Variants in ZNF320 observed in about 807,000 individuals in gnomAD.
ZNF320 encodes the protein zinc finger gene 320.
In ZNF320, 2 loss-of-function variants were observed where a neutral mutation model predicts 6.8. That is an observed-to-expected ratio of 0.29 (90% confidence interval 0.12 to 0.93). The LOEUF (loss-of-function observed/expected upper bound fraction) is 0.93. Among genes scored for constraint, ZNF320 ranks in the 40% least tolerant of loss-of-function variants. ZNF320 has a pLI of 0.55. For missense variants in ZNF320, 472 were observed against 611.0 expected, an observed-to-expected ratio of 0.77 and a Z score of 2.40; for synonymous variants, 208 against 203.2, an observed-to-expected ratio of 1.02 and a Z score of -0.20.
At chr19:52,864,045 G>A in exon 6 of ZNF320, 1 of 502,674 alleles carries the variant, frequency 2.0e-6, no homozygotes, top group Non-Finnish European at 3.9e-6. Flanking sequence ...ACAGACTCCA[G>A]GTTCCTGTAG....
At chr19:52,882,360 C>T (rs1185900019) in intron 5 of ZNF320, among the ~76,000 whole-genome samples, 1 of 151,930 alleles carries the variant, frequency 6.6e-6, no homozygotes, top group East Asian at 1.9e-4. Flanking sequence ...ATTTAGTATA[C>T]AGAAATAAAT....
exon 6 of ZNF320, chr19:52,862,532 T>C (rs538424187): frequency 4.5e-5 from 16 of 355,866 alleles, no homozygotes; most frequent in Middle Eastern, 4.0e-4. Flanking sequence ...GGTTCTCCAA[T>C]GATTTGCAAG....
At chr19:52,890,680 T>G (rs1412760277) in intron 3 of ZNF320, among the ~76,000 whole-genome samples, 4 of 152,030 alleles carry the variant, frequency 2.6e-5, no homozygotes, top group Admixed American at 2.0e-4. Flanking sequence ...GTGACTAGCC[T>G]AGGCAACATG....
Position 52,888,113 on chromosome 19 carries a change from G to T in ZNF320, c.142+14C>A. 6.3e-7 allele frequency: 1 copy of T among 1,595,630 alleles called. No individual in the cohort carries two copies. The highest frequency in any genetic ancestry group is 2.2e-5 in the East Asian group (1 of 44,800). Reference sequence around the variant, plus strand: ...AAGGGCACATCCCCACTTCTGGAGGGAAGTTATCCTCACCCAGGGAGACCA... The same window carrying T: ...AAGGGCACATCCCCACTTCTGGAGGTAAGTTATCCTCACCCAGGGAGACCA... On this transcript the variant is annotated intron_variant, in intron 5 of 5. Transcript: ENST00000682928.
At chr19:52,901,706 A>T (rs1477533372), upstream of ZNF320, among the ~76,000 whole-genome samples, 1 of 152,208 alleles carries the variant, frequency 6.6e-6, no homozygotes, top group Non-Finnish European at 1.5e-5. Context: ...TTTATTAGCT[A>T]ATGATGTCTT....
chr19:52,886,307 G>A (rs1333131926), intron 5 of ZNF320, among the ~76,000 whole-genome samples: 2 of 151,918 alleles, frequency 1.3e-5, no homozygotes, highest in Non-Finnish European at 2.9e-5. Flanking sequence ...GCTAATTTTT[G>A]TAAATTTAGT....
intron 5 of ZNF320, chr19:52,865,220 C>CCCCAGCTA (rs1434499971): frequency 6.3e-6 from 1 of 158,892 alleles, no homozygotes; most frequent in East Asian, 1.8e-4. Context: ...TACTGGGGAG[C>CCCCAGCTA]CTGAGGCAGA....
upstream of ZNF320, among the ~76,000 whole-genome samples, chr19:52,899,564 G>A (rs561914271): frequency 2.2e-3 from 335 of 152,236 alleles, 2 homozygotes; most frequent in African/African-American, 7.8e-3. Flanking sequence ...CCGGGTTCAC[G>A]CCATTCTCCT....
chr19:52,890,582 C>T (rs1470875179), intron 3 of ZNF320, among the ~76,000 whole-genome samples: 1 of 152,218 alleles, frequency 6.6e-6, no homozygotes, highest in African/African-American at 2.4e-5. Context: ...AACCAAACCC[C>T]ACACAGAGGC....
intron 5 of ZNF320, among the ~76,000 whole-genome samples, chr19:52,867,909 G>A (rs1030130467): frequency 6.6e-6 from 1 of 152,066 alleles, no homozygotes. Flanking sequence ...ACCGCACCCG[G>A]CCATTTTTTT....
At chr19:52,864,015 G>T in exon 6 of ZNF320, 1 of 484,622 alleles carries the variant, frequency 2.1e-6, no homozygotes. Flanking sequence ...TTCATGTCTG[G>T]AGGAACATTT....
chr19:52,873,362 G>C (rs1192317792), downstream of ZNF320, among the ~76,000 whole-genome samples: 1 of 152,214 alleles, frequency 6.6e-6, no homozygotes, highest in African/African-American at 2.4e-5. Context: ...CAAGAATGGA[G>C]AATGGCGATG....
intron 1 of ZNF320, chr19:52,894,152 G>A (rs1323362745): frequency 6.6e-6 from 1 of 152,182 alleles, no homozygotes; most frequent in East Asian, 1.9e-4. Context: ...CTGGGAGGCC[G>A]AGGTGGGTGG....
intron 2 of ZNF320, among the ~76,000 whole-genome samples, chr19:52,893,184 G>A (rs2064364654): frequency 6.6e-6 from 1 of 151,988 alleles, no homozygotes; most frequent in East Asian, 1.9e-4. Flanking sequence ...CATGTCAGAG[G>A]AGCCCATTTT....
At chr19:52,901,640 C>T (rs2147916887), upstream of ZNF320, among the ~76,000 whole-genome samples, 1 of 152,212 alleles carries the variant, frequency 6.6e-6, no homozygotes, top group African/African-American at 2.4e-5. Context: ...TTGCAAACTT[C>T]AATGGTTATG....
At chr19:52,899,494 G>A (rs977672183), upstream of ZNF320, among the ~76,000 whole-genome samples, 3 of 152,008 alleles carry the variant, frequency 2.0e-5, no homozygotes, top group South Asian at 2.1e-4. Flanking sequence ...ATGGAGTCTC[G>A]CTCTGTCACC....
chr19:52,891,499 A>G (rs773443883), intron 2 of ZNF320, among the ~76,000 whole-genome samples, 153 bp from the exon 3 acceptor site: 1 of 152,200 alleles, frequency 6.6e-6, no homozygotes, highest in Non-Finnish European at 1.5e-5. Flanking sequence ...AGGAGCAGAA[A>G]GGGAGATGGC....
chr19:52,898,575 G>A (rs1377133710), upstream of ZNF320, among the ~76,000 whole-genome samples: 12 of 152,238 alleles, frequency 7.9e-5, no homozygotes, highest in Non-Finnish European at 1.8e-4. Flanking sequence ...AGTTGTAGAA[G>A]GAAGGGCTTT....
intron 1 of ZNF320, among the ~76,000 whole-genome samples, chr19:52,896,820 C>T (rs2064487946): frequency 6.6e-6 from 1 of 152,204 alleles, no homozygotes; most frequent in Non-Finnish European, 1.5e-5. Context: ...AACCCCATCT[C>T]CCCATCCGGA....
Sources: allele counts gnomAD v4.1 joint callset (sites outside exome capture counted in the v4.1 genomes callset), GRCh38; gene constraint gnomAD v4.1.1; transcripts MANE v1.5; gene names NCBI Gene and HGNC (gene_info 2026-07-23, HGNC 2026-07-21).